Variants in FGF12 observed in about 807,000 individuals in gnomAD.
FGF12 encodes fibroblast growth factor 12B.
In FGF12, 14 loss-of-function variants were observed where a neutral mutation model predicts 23.6. The ratio of observed to expected loss-of-function variants is 0.59; its 90% CI spans 0.39 to 0.93. The LOEUF (loss-of-function observed/expected upper bound fraction) is 0.93, where lower values mean the gene tolerates loss of function less well. Among genes scored for constraint, FGF12 ranks in the 40% least tolerant of loss-of-function variants. FGF12 has a pLI of 0.00. For synonymous variants in FGF12, 62 were observed against 77.3 expected (o/e 0.80, Z 1.04); for missense variants, 175 against 217.8 (o/e 0.80, Z 1.24).
intron 2 of FGF12, among the ~76,000 whole-genome samples, chr3:192,629,896 C>T (rs143430782): frequency 6.6e-6 from 1 of 152,236 alleles, no homozygotes; most frequent in East Asian, 1.9e-4. Flanking sequence ...ATTTTTAACA[C>T]GCTCCCTAGG....
intron 4 of FGF12, among the ~76,000 whole-genome samples, chr3:192,177,120 G>T (rs913537013): frequency 2.0e-5 from 3 of 152,150 alleles, no homozygotes; most frequent in South Asian, 4.1e-4. Flanking sequence ...AAAATCATTT[G>T]AATTATCTAA....
At chr3:192,427,162 C>G (rs1027806042) in intron 2 of FGF12, among the ~76,000 whole-genome samples, 3 of 151,926 alleles carry the variant, frequency 2.0e-5, no homozygotes, top group African/African-American at 4.8e-5. Context: ...GCGGGTAGAT[C>G]ACGAGGTCAG....
At chr3:192,566,699 C>T (rs1465017809) in intron 2 of FGF12, among the ~76,000 whole-genome samples, 1 of 152,158 alleles carries the variant, frequency 6.6e-6, no homozygotes, top group East Asian at 1.9e-4. Context: ...CAAACCATCT[C>T]CTAGTTTCCC....
chr3:192,596,094 A>AAATATAATATAATAT (rs58052704), intron 2 of FGF12, among the ~76,000 whole-genome samples: 1,131 of 99,472 alleles, frequency 0.011, 12 homozygotes, highest in Middle Eastern at 0.015. Context: ...CCTGACTCAA[A>AAATATAATATAATAT]AATATAATAT....
intron 2 of FGF12, among the ~76,000 whole-genome samples, chr3:192,446,234 AAAT>A (rs1722350471): frequency 6.6e-6 from 1 of 152,240 alleles, no homozygotes; most frequent in Admixed American, 6.5e-5. Context: ...CTTTTAGCAC[AAAT>A]ACAGGGAAAT....
chr3:192,200,959 G>C (rs538652025), intron 4 of FGF12, among the ~76,000 whole-genome samples: 102 of 152,068 alleles, frequency 6.7e-4, no homozygotes, highest in Middle Eastern at 3.4e-3. Flanking sequence ...GATGGTAAAA[G>C]TATCCTGCTT....
chr3:192,159,152 CCTT>C (rs1307824690), intron 5 of FGF12, among the ~76,000 whole-genome samples: 3 of 152,256 alleles, frequency 2.0e-5, no homozygotes, highest in East Asian at 1.9e-4. Context: ...TTCAATATTA[CCTT>C]CTTCTTTTCT....
At chr3:192,660,009 G>T (rs536257837) in intron 2 of FGF12, among the ~76,000 whole-genome samples, 2 of 151,308 alleles carry the variant, frequency 1.3e-5, no homozygotes, top group Non-Finnish European at 2.9e-5. Context: ...TCCATTACTG[G>T]GTATATACCC....
rs1253291939 is a variant in FGF12, at chr3:192,514,880, G to A, written c.14-154342C>T. On this transcript the variant is annotated intron_variant, in intron 2 of 5. Coordinates refer to ENST00000445105, the MANE Select transcript of FGF12 (RefSeq NM_004113.6). This position sits in a 1 kb window ranked among gnomAD's most constrained non-coding sequence, Gnocchi z 4.9. Reference sequence around the variant, plus strand: ...ATCGCGCGCGCCCAGGTGGAGGGGAGTTTGCACATGGAGCCGGAGGGAGCC... The same window carrying A: ...ATCGCGCGCGCCCAGGTGGAGGGGAATTTGCACATGGAGCCGGAGGGAGCC... 2.0e-6 allele frequency: 2 copies of A among 985,258 alleles called. No individual in the cohort carries two copies. Among genetic ancestry groups the A allele is most frequent in the Non-Finnish European group, 2.4e-6 (2 of 829,942 alleles). The allele number at this position is 985,258 out of a possible 1,614,324, so 61.0% of individuals were successfully genotyped here.
chr3:192,727,030 C>T (rs901059427), intron 2 of FGF12, 151 bp downstream of exon 2: 2 of 956,718 alleles, frequency 2.1e-6, no homozygotes, highest in African/African-American at 3.3e-5. Flanking sequence ...CTTCCTGCCA[C>T]ACTTCCCCAG....
chr3:192,687,043 A>C (rs1412189267), intron 2 of FGF12, among the ~76,000 whole-genome samples: 1 of 150,990 alleles, frequency 6.6e-6, no homozygotes, highest in African/African-American at 2.4e-5. Context: ...CTTAGCCAGG[A>C]TGGTCTCCAT....
At chr3:192,172,309 A>C (rs1715612013) in intron 4 of FGF12, among the ~76,000 whole-genome samples, 1 of 150,170 alleles carries the variant, frequency 6.7e-6, no homozygotes, top group Non-Finnish European at 1.5e-5. Flanking sequence ...GGATGACTTG[A>C]ACCAGGGAGG....
intron 4 of FGF12, among the ~76,000 whole-genome samples, chr3:192,172,067 T>A (rs917996477): frequency 7.9e-5 from 12 of 151,964 alleles, no homozygotes; most frequent in African/African-American, 2.9e-4. Context: ...AGTTCCAACA[T>A]TATAGACGAA....
intron 2 of FGF12, among the ~76,000 whole-genome samples, chr3:192,612,945 A>T (rs1355339221): frequency 6.6e-6 from 1 of 151,892 alleles, no homozygotes; most frequent in Non-Finnish European, 1.5e-5. Flanking sequence ...GGCAAAAACA[A>T]ATTAATGCTG....
chr3:192,573,344 G>A (rs559808365), intron 2 of FGF12, among the ~76,000 whole-genome samples: 3 of 152,236 alleles, frequency 2.0e-5, no homozygotes, highest in African/African-American at 4.8e-5. Context: ...ATTATTCTAA[G>A]TATTCCTGCA....
At chr3:192,217,606 A>G (rs774587032) in intron 4 of FGF12, among the ~76,000 whole-genome samples, 1 of 152,212 alleles carries the variant, frequency 6.6e-6, no homozygotes, top group Non-Finnish European at 1.5e-5. Flanking sequence ...TAATGGTTTT[A>G]TGAATAACTT....
chr3:192,618,708 C>T (rs146633047), intron 2 of FGF12, among the ~76,000 whole-genome samples: 192 of 152,074 alleles, frequency 1.3e-3, no homozygotes, highest in African/African-American at 4.1e-3. Context: ...AAGGTAATAA[C>T]GCTGTTCAAT....
intron 4 of FGF12, among the ~76,000 whole-genome samples, chr3:192,328,837 G>A (rs1013073379): frequency 6.6e-6 from 1 of 152,164 alleles, no homozygotes; most frequent in Admixed American, 6.5e-5. Flanking sequence ...ATCTTTATAT[G>A]CTCAGTATGC....
At chr3:192,155,334 A>G (rs1192467187) in intron 5 of FGF12, among the ~76,000 whole-genome samples, 3 of 152,180 alleles carry the variant, frequency 2.0e-5, no homozygotes, top group South Asian at 2.1e-4. Flanking sequence ...GTCTTTCAGC[A>G]TTTGAAACTT....
Sources: allele counts gnomAD v4.1 joint callset (sites outside exome capture counted in the v4.1 genomes callset), GRCh38; gene constraint gnomAD v4.1.1; non-coding constraint Gnocchi (gnomAD v3.1); transcripts MANE v1.5; gene names NCBI Gene and HGNC (gene_info 2026-07-23, HGNC 2026-07-21).